SPEG: variants seen among roughly 807,000 people sequenced by gnomAD.
The protein encoded by SPEG is striated muscle preferentially expressed protein kinase.
A neutral mutation model predicts 300.4 loss-of-function variants in SPEG; 114 were observed. That is an observed-to-expected ratio of 0.38 (90% CI 0.33 to 0.44). The LOEUF (loss-of-function observed/expected upper bound fraction) is 0.44. SPEG is among the 20% of genes least tolerant of loss of function. The probability of loss-of-function intolerance (pLI) is 1.00; values close to 1 mark genes in which losing one functional copy is unlikely to be tolerated. For missense variants in SPEG, 4,201 were observed against 4,586.2 expected (o/e 0.92, Z 2.43); for synonymous variants, 1,964 against 2,018.9 (o/e 0.97, Z 0.73).
At chr2:219,469,947 C>T (rs564174608) in intron 13 of SPEG, among the ~76,000 whole-genome samples, 6 of 152,186 alleles carry the variant, frequency 3.9e-5, no homozygotes, top group South Asian at 2.1e-4. Flanking sequence ...CACAGAGGAA[C>T]GTATTTGGGT....
In SPEG at chr2:219,473,617, G is replaced by A. The variant is rs561992037; in HGVS notation, c.4261G>A (p.Val1421Ile). ...ATTCAACCATGTGGAGGCCCAGGTC[G>A]TCTGGAGGAGGTGGGCCCCTTTCCC... The part of the protein sequence containing the change: ...VTFNHVEAQV[V>I]WRSCRGALLE... Residue 1421 changes from valine (V) to isoleucine (I), a missense_variant, in exon 17 of 41, where the codon GTC becomes ATC. Transcript: ENST00000312358. This position sits in a 1 kb window ranked among gnomAD's most constrained non-coding sequence, Gnocchi z 4.6. 16 of 1,614,194 alleles carry A rather than the reference G, an allele frequency of 9.9e-6. No individual in the cohort carries two copies. The highest frequency in any genetic ancestry group is 4.4e-5 in the South Asian group (4 of 91,090).
In SPEG at chr2:219,443,715, A is replaced by G; in HGVS notation, c.389-938A>G. The stretch of plus-strand genomic sequence containing the variant: ...GGGCCTGACTCCTAATGGGAGGCCC[A>G]GGTCTGCGGCTGGACTGGACACAAG... On this transcript the variant is annotated intron_variant, in intron 1 of 40. Coordinates refer to ENST00000312358, the MANE Select transcript of SPEG (RefSeq NM_005876.5). The surrounding 1 kb of genome is among the most constrained non-coding windows in gnomAD (Gnocchi z 4.6). The G allele has an allele frequency of 2.9e-6, 1 of 341,034 alleles. No homozygotes were observed. The highest frequency in any genetic ancestry group is 5.8e-6 in the Non-Finnish European group (1 of 172,100). The allele number at this position is 341,034 out of a possible 1,614,324, so 21.1% of individuals were successfully genotyped here. A position where few individuals can be genotyped will look rare whatever the true frequency, so the allele number is the denominator to read the frequency against.
chr2:219,460,553 C>A (rs1366354200), intron 6 of SPEG: 1 of 985,354 alleles, frequency 1.0e-6, no homozygotes, highest in Non-Finnish European at 1.2e-6. Context: ...CAAGGCACCG[C>A]AGAGCGGGCT....
chr2:219,465,927 GCGTGTGCGTGCA>G lies in SPEG; in HGVS notation c.2882-1234_2882-1223del, dbSNP rs796185877. On this transcript the variant is annotated intron_variant, in intron 9 of 40. Coordinates refer to ENST00000312358, the MANE Select transcript of SPEG (RefSeq NM_005876.5). The stretch of plus-strand genomic sequence containing the variant: ...TGTGTGCATGCGTGTGTGTGTGCGC[GCGTGTGCGTGCA>G]CGTGTGCGTGCATGTGTGCGTGTGC... 2.3e-3 allele frequency: 532 copies of G among 227,942 alleles called. 3 individuals are homozygous for G. The highest frequency in any genetic ancestry group is 0.011 in the African/African-American group (321 of 28,334). 14.1% of individuals were successfully genotyped at this position (227,942 alleles called of 1,614,324 possible). A position where few individuals can be genotyped will look rare whatever the true frequency, so the allele number is the denominator to read the frequency against.
chr2:219,481,362 C>T lies in SPEG; in HGVS notation c.5428C>T (p.Arg1810Ter), dbSNP rs1237817614. Residue 1810 changes from arginine to a stop codon, truncating the protein, a stop_gained, in exon 27 of 41, where the codon CGA becomes TGA. Transcript: ENST00000312358. LOFTEE classifies it high-confidence loss of function. The surrounding 1 kb of genome is among the most constrained non-coding windows in gnomAD (Gnocchi z 5.4). Reference sequence around the variant, plus strand: ...TGACCGGACAACATTGATGAACATCCGAAACTACAACGTGGCCTTCGAGGA... The same window carrying T: ...TGACCGGACAACATTGATGAACATCTGAAACTACAACGTGGCCTTCGAGGA... ...ENDRTTLMNI[R>*]NYNVAFEETT... 1.9e-6 allele frequency: 3 copies of T among 1,614,060 alleles called. No homozygotes were observed. Among genetic ancestry groups the T allele is most frequent in the Admixed American group, 1.7e-5 (1 of 60,004 alleles).
Position 219,484,416 on chromosome 2 carries a change from G to C in SPEG, c.6953G>C (p.Ser2318Thr). The C allele has an allele frequency of 1.9e-6, 3 of 1,611,116 alleles. No homozygotes were observed. The highest frequency in any genetic ancestry group is 2.5e-6 in the Non-Finnish European group (3 of 1,179,842). ...CCCACGGTGCCCCCCAGGCCAGGCA[G>C]CAGTCTCAGTAGCAGCATCGAAAAC... ...RVPTVPPRPGSSLSSSIENLE... is the reference protein window; with the variant it reads ...RVPTVPPRPGTSLSSSIENLE... Residue 2318 changes from serine to threonine, a missense_variant, in exon 30 of 41, where the codon AGC becomes ACC. Transcript: ENST00000312358.
chr2:219,491,131 T>C (rs1041378560), intron 38 of SPEG, among the ~76,000 whole-genome samples, 175 bp downstream of exon 38: 2 of 152,240 alleles, frequency 1.3e-5, no homozygotes, highest in Admixed American at 1.3e-4. Context: ...TGGCATAATA[T>C]TAGCCCCCTT....
At chr2:219,454,516 G>A (rs1043092983) in intron 6 of SPEG, among the ~76,000 whole-genome samples, 1 of 152,222 alleles carries the variant, frequency 6.6e-6, no homozygotes, top group African/African-American at 2.4e-5. Context: ...CTTCTGTTTG[G>A]ACAGTGTCAT....
rs1333213887 is a variant in SPEG, at chr2:219,484,795, G to T, written c.7332G>T (p.Ser2444=). 7 of 1,469,872 alleles carry T rather than the reference G, an allele frequency of 4.8e-6. No homozygotes were observed. The highest frequency in any genetic ancestry group is 6.2e-6 in the Non-Finnish European group (7 of 1,121,404). The allele number at this position is 1,469,872 out of a possible 1,614,324, so 91.1% of individuals were successfully genotyped here. A position where few individuals can be genotyped will look rare whatever the true frequency, so the allele number is the denominator to read the frequency against. Residue 2444 remains serine (S), a synonymous_variant, in exon 30 of 41, where the codon TCG becomes TCT. Transcript: ENST00000312358. ...GAGAGAGCTCGGAGGGCGGGAGCTC[G>T]GCGCGGGGCTCCCCGGTGCTGGCGA... is the stretch of plus-strand genomic sequence containing the variant. ...GDGESSEGGS[S]ARGSPVLAMR... is the part of the protein sequence containing the mutation.
At position 219,449,096 on chromosome 2, in the gene SPEG, G is replaced by C; in HGVS notation, c.1938G>C (p.Pro646=). Residue 646 remains proline, a synonymous_variant, in exon 4 of 41, where the codon CCG becomes CCC. Transcript: ENST00000312358. ...QAVRFLPWAT[P]GLEGAAVPQT... ...TGCGCTTCCTGCCCTGGGCCACGCC[G>C]GGCCTGGAGGGCGCTGCTGTACCCC... is the stretch of plus-strand genomic sequence containing the variant. 1 of 1,492,340 alleles carries C rather than the reference G, an allele frequency of 6.7e-7. No individual in the cohort carries two copies. Among genetic ancestry groups the C allele is most frequent in the Non-Finnish European group, 8.9e-7 (1 of 1,122,646 alleles). 92.4% of individuals were successfully genotyped at this position (1,492,340 alleles called of 1,614,324 possible).
intron 10 of SPEG, 87 bp downstream of exon 10, chr2:219,467,521 A>G: frequency 6.8e-7 from 1 of 1,476,112 alleles, no homozygotes; most frequent in Non-Finnish European, 9.1e-7. Flanking sequence ...ATGCCTGGGA[A>G]ACAGAGCTCC....
Position 219,477,653 on chromosome 2 carries a change from C to A in SPEG, c.4730-36C>A. 1 of 1,513,016 alleles carries A rather than the reference C, an allele frequency of 6.6e-7. No individual in the cohort carries two copies. Among genetic ancestry groups the A allele is most frequent in the South Asian group, 1.3e-5 (1 of 77,146 alleles). 93.7% of individuals were successfully genotyped at this position (1,513,016 alleles called of 1,614,324 possible). On this transcript the variant is annotated intron_variant, in intron 20 of 40. Coordinates refer to ENST00000312358, the MANE Select transcript of SPEG (RefSeq NM_005876.5). The surrounding 1 kb of genome is among the most constrained non-coding windows in gnomAD (Gnocchi z 6.4). ...CAGTCTCTGGCCTGCTTGCTTTCTTCCCCTCCCACCTAACACCATGACATC... is the reference window on the plus strand; with the variant it reads ...CAGTCTCTGGCCTGCTTGCTTTCTTACCCTCCCACCTAACACCATGACATC...
In SPEG at chr2:219,435,167, G is replaced by C. The variant is rs1022343248; in HGVS notation, c.190G>C (p.Val64Leu). ...CGCGGGCAGCGACGTGCGGCTGCGG[G>C]TGGTGGTGAGCGGGACGCCCCAGCC... ...VCAGSDVRLR[V>L]VVSGTPQPSL... Residue 64 changes from valine (V) to leucine (L), a missense_variant, in exon 1 of 41, where the codon GTG becomes CTG. Transcript: ENST00000312358. 6.8e-7 allele frequency: 1 copy of C among 1,476,532 alleles called. No homozygotes were observed. Among genetic ancestry groups the C allele is most frequent in the Admixed American group, 2.4e-5 (1 of 41,876 alleles). 91.5% of individuals were successfully genotyped at this position (1,476,532 alleles called of 1,614,324 possible).
intron 1 of SPEG, among the ~76,000 whole-genome samples, chr2:219,441,126 T>G (rs1442394370): frequency 1.3e-5 from 2 of 152,154 alleles, no homozygotes. Context: ...TAAACAAACA[T>G]AGCTATAATG....
Position 219,484,948 on chromosome 2 carries a change from G to A in SPEG, c.7485G>A (p.Thr2495=). 18 of 1,529,562 alleles carry A rather than the reference G, an allele frequency of 1.2e-5. No homozygotes were observed. Among genetic ancestry groups the A allele is most frequent in the Non-Finnish European group, 1.6e-5 (18 of 1,144,362 alleles). The allele number at this position is 1,529,562 out of a possible 1,614,324, so 94.7% of individuals were successfully genotyped here. The change falls in exon 30 of 41, where the codon ACG becomes ACA. Residue 2495 remains threonine (T), a synonymous_variant. Transcript: ENST00000312358. ...TGTTCGGACGGCTTCGCAGGGCCAC[G>A]TCCGAGGGCGAGAGTCTGCGGCGCC... The part of the protein sequence containing the change: ...TPLFGRLRRA[T]SEGESLRRLG...
Position 219,467,427 on chromosome 2 carries a change from G to A in SPEG, c.3135G>A (p.Thr1045=), listed in dbSNP as rs767520359. The change falls in exon 10 of 41, where the codon ACG becomes ACA. Residue 1045 remains threonine, a synonymous_variant. Transcript: ENST00000312358. The stretch of plus-strand genomic sequence containing the variant: ...GCGTCTACACCTGCAAGCTCAGCAC[G>A]GCCAAAGGTAACTCCCCACTCAGGC... ...DSGVYTCKLS[T]AKDELTCSAR... The A allele has an allele frequency of 5.6e-6, 9 of 1,599,530 alleles. No homozygotes were observed. The highest frequency in any genetic ancestry group is 1.7e-4 in the Middle Eastern group (1 of 6,052).
chr2:219,471,600 T>A, intron 13 of SPEG: 1 of 494,576 alleles, frequency 2.0e-6, no homozygotes, highest in Non-Finnish European at 3.7e-6. Context: ...GAAGAGAAGA[T>A]GATAAGTTGC....
rs1169690776 is a variant in SPEG, at chr2:219,451,974, G to C, written c.2440+167G>C. On this transcript the variant is annotated intron_variant, in intron 6 of 40. Coordinates refer to ENST00000312358, the MANE Select transcript of SPEG (RefSeq NM_005876.5). This position sits in a 1 kb window ranked among gnomAD's most constrained non-coding sequence, Gnocchi z 6.4. ...GGGTGTCGGCAGCTTTGGTGAAAGC[G>C]TTTTAAATGGCCCTGGCCTCAGGGC... is the stretch of plus-strand genomic sequence containing the variant. Among the ~76,000 whole-genome samples the C allele has an allele frequency of 6.6e-6, 1 of 152,224 alleles. No individual in the cohort carries two copies. Among genetic ancestry groups the C allele is most frequent in the South Asian group, 2.1e-4 (1 of 4,836 alleles).
chr2:219,469,171 G>A lies in SPEG; in HGVS notation c.3507G>A (p.Lys1169=). 1 of 1,613,912 alleles carries A rather than the reference G, an allele frequency of 6.2e-7. No individual in the cohort carries two copies. ...AASGPSSKLE[K]MPSIPEEPEQ... is the part of the protein sequence containing the mutation. ...GGTCTTGCAGCTCGAAGCTGGAGAA[G>A]ATGCCATCCATTCCCGAGGAGCCAG... Residue 1169 remains lysine (K), a synonymous_variant, in exon 13 of 41, where the codon AAG becomes AAA. Coordinates refer to ENST00000312358, the MANE Select transcript of SPEG (RefSeq NM_005876.5).
Sources: allele counts gnomAD v4.1 joint callset (sites outside exome capture counted in the v4.1 genomes callset), GRCh38; gene constraint gnomAD v4.1.1; non-coding constraint Gnocchi (gnomAD v3.1); transcripts MANE v1.5; gene names NCBI Gene and HGNC (gene_info 2026-07-23, HGNC 2026-07-21).